NRXN1: variants seen among roughly 807,000 people sequenced by gnomAD.
NRXN1 encodes neurexin 1.
In NRXN1, 39 loss-of-function variants were observed where a neutral mutation model predicts 150.9. The ratio of observed to expected loss-of-function variants is 0.26; its 90% CI spans 0.20 to 0.34. The LOEUF is 0.34. Among genes scored for constraint, NRXN1 ranks in the 10% least tolerant of loss-of-function variants. The pLI, the probability that NRXN1 is intolerant of heterozygous loss-of-function variation, is 1.00. For missense variants in NRXN1, 1,815 were observed against 1,949.9 expected, an observed-to-expected ratio of 0.93 and a Z score of 1.30; for synonymous variants, 924 against 757.0, an observed-to-expected ratio of 1.22 and a Z score of -3.62.
At chr2:50,582,084 TTTG>T in intron 8 of NRXN1, among the ~76,000 whole-genome samples, 1 of 152,298 alleles carries the variant, frequency 6.6e-6, no homozygotes, top group East Asian at 1.9e-4. Flanking sequence ...CCAATTTAGT[TTTG>T]TTAATAACCG....
At chr2:50,273,184 G>T (rs1000424137) in intron 17 of NRXN1, among the ~76,000 whole-genome samples, 19 of 152,284 alleles carry the variant, frequency 1.2e-4, no homozygotes, top group African/African-American at 4.3e-4. Context: ...AGGAAGGGAA[G>T]TTTGGATTCA....
At chr2:50,153,344 T>C (rs1013463190) in intron 18 of NRXN1, among the ~76,000 whole-genome samples, 2 of 150,644 alleles carry the variant, frequency 1.3e-5, no homozygotes, top group African/African-American at 4.9e-5. Flanking sequence ...ACAGTTTCTA[T>C]TTTTTTTTCC....
At chr2:50,951,140 T>C (rs925118796) in intron 2 of NRXN1, among the ~76,000 whole-genome samples, 3 of 152,140 alleles carry the variant, frequency 2.0e-5, no homozygotes, top group African/African-American at 7.2e-5. Flanking sequence ...TTAGAAAGAA[T>C]AGGTTACAGC....
chr2:49,945,106 CACAA>C (rs757754289), intron 21 of NRXN1: 2 of 152,196 alleles, frequency 1.3e-5, no homozygotes, highest in Non-Finnish European at 2.9e-5. Context: ...TTTAAATAAA[CACAA>C]ACCTTTAAAT....
chr2:50,813,201 A>G (rs1275749484), intron 5 of NRXN1, among the ~76,000 whole-genome samples: 2 of 152,144 alleles, frequency 1.3e-5, no homozygotes, highest in Non-Finnish European at 2.9e-5. Context: ...TCAAAAAAAA[A>G]AAGATATTAA....
intron 17 of NRXN1, among the ~76,000 whole-genome samples, chr2:50,428,653 T>C (rs987120539): frequency 6.6e-5 from 10 of 152,202 alleles, no homozygotes; most frequent in African/African-American, 1.9e-4. Flanking sequence ...AGAGATTAGC[T>C]TTGCTAACTG....
intron 21 of NRXN1, among the ~76,000 whole-genome samples, chr2:49,955,277 T>C (rs1187395935): frequency 6.6e-6 from 1 of 152,114 alleles, no homozygotes; most frequent in African/African-American, 2.4e-5. Flanking sequence ...GGAATACACC[T>C]AAGAGTGGGA....
At chr2:50,197,506 A>G (rs574194497) in intron 18 of NRXN1, among the ~76,000 whole-genome samples, 1 of 152,262 alleles carries the variant, frequency 6.6e-6, no homozygotes, top group South Asian at 2.1e-4. Flanking sequence ...TCTACGTTAC[A>G]GAGATTGAAG....
intron 5 of NRXN1, among the ~76,000 whole-genome samples, chr2:50,672,013 TA>T (rs1688923611): frequency 2.6e-5 from 4 of 151,938 alleles, no homozygotes; most frequent in African/African-American, 9.7e-5. Context: ...TTCAACTTGG[TA>T]CCTAACCTAA....
At chr2:50,871,774 A>G (rs150945295) in intron 5 of NRXN1, among the ~76,000 whole-genome samples, 72 of 151,972 alleles carry the variant, frequency 4.7e-4, no homozygotes, top group African/African-American at 1.5e-3. Context: ...GTTTAGAAAA[A>G]TTCACTTAGT....
intron 12 of NRXN1, among the ~76,000 whole-genome samples, chr2:50,514,841 T>A (rs985423921): frequency 2.0e-5 from 3 of 152,328 alleles, no homozygotes; most frequent in African/African-American, 7.2e-5. Context: ...AGAATTTAAG[T>A]GCGAGGAAAC....
At chr2:50,928,619 T>A (rs769746654) in intron 2 of NRXN1, among the ~76,000 whole-genome samples, 1 of 152,096 alleles carries the variant, frequency 6.6e-6, no homozygotes, top group South Asian at 2.1e-4. Flanking sequence ...ATTTTTTCTT[T>A]ATCTTTGTAA....
rs1175898139 is a variant in NRXN1, at chr2:49,920,557, C to A, written c.*1387G>T. On this transcript the variant is annotated 3_prime_UTR_variant, in exon 23 of 23. Transcript: ENST00000401669. The stretch of plus-strand genomic sequence containing the variant: ...TCTTAAGGTTACCTGGGAGCAAGAT[C>A]TCAATGAAGCAAATCACCCCATTTG... 1 of 152,560 alleles carries A rather than the reference C, an allele frequency of 6.6e-6. No individual in the cohort carries two copies. The allele number at this position is 152,560 out of a possible 1,614,324, so 9.5% of individuals were successfully genotyped here.
At chr2:50,412,881 T>C (rs950009076) in intron 17 of NRXN1, among the ~76,000 whole-genome samples, 8 of 152,234 alleles carry the variant, frequency 5.3e-5, no homozygotes, top group Non-Finnish European at 8.8e-5. Flanking sequence ...AGGATCCATA[T>C]GCAGAAGAAC....
intron 5 of NRXN1, among the ~76,000 whole-genome samples, chr2:50,710,741 C>G (rs1445890680): frequency 6.6e-6 from 1 of 152,180 alleles, no homozygotes; most frequent in Non-Finnish European, 1.5e-5. Context: ...CAGGGCAGAG[C>G]TGATAAACAT....
In NRXN1 at chr2:50,826,775, G is replaced by A. The variant is rs554948885; in HGVS notation, c.832+95094C>T. 2.0e-5 allele frequency among the ~76,000 whole-genome samples: 3 copies of A among 152,300 alleles called. No individual in the cohort carries two copies. In the South Asian group the frequency reaches 6.2e-4, roughly 32 times the overall value. On this transcript the variant is annotated intron_variant, in intron 5 of 22. Transcript: ENST00000401669. ...TTTTGGTCTTGAGAAGTTTGAGATA[G>A]CTCTTAGACATCCCAGTGGAAAGGT...
intron 17 of NRXN1, among the ~76,000 whole-genome samples, chr2:50,424,132 G>GAGC (rs928588073): frequency 7.7e-6 from 1 of 129,684 alleles, no homozygotes; most frequent in African/African-American, 2.9e-5. Flanking sequence ...GGAGGCGGAG[G>GAGC]AGGAGGAGGA....
intron 8 of NRXN1, among the ~76,000 whole-genome samples, chr2:50,617,434 T>A (rs1183924471): frequency 7.4e-5 from 11 of 149,476 alleles, no homozygotes; most frequent in Non-Finnish European, 1.6e-4. Context: ...ACTCCATCTC[T>A]TAAAAAAAAA....
intron 8 of NRXN1, among the ~76,000 whole-genome samples, chr2:50,584,283 A>G (rs1407347282): frequency 1.3e-5 from 2 of 152,154 alleles, no homozygotes; most frequent in African/African-American, 4.8e-5. Flanking sequence ...TCAATATGCT[A>G]AAAAGATATC....
Sources: gnomAD v4.1 joint callset for allele counts (sites outside exome capture counted in the v4.1 genomes callset) on GRCh38, gnomAD v4.1.1 for gene constraint, MANE v1.5 for transcripts, NCBI Gene and HGNC (gene_info 2026-07-23, HGNC 2026-07-21) for gene names.